NABP1: variants seen among roughly 807,000 people sequenced by gnomAD.
NABP1 encodes the protein SOSS complex subunit B2.
In NABP1, 18 loss-of-function variants were observed where a neutral mutation model predicts 25.0. That is an observed-to-expected ratio of 0.72 (90% CI 0.50 to 1.07). The LOEUF (loss-of-function observed/expected upper bound fraction) is 1.07. Ranked by LOEUF, NABP1 falls within the 50% of genes least tolerant of loss-of-function variation. The pLI is 0.00. For synonymous variants in NABP1, 71 were observed against 85.0 expected (o/e 0.84, Z 0.91); for missense variants, 270 against 255.6 (o/e 1.06, Z -0.39).
At position 191,683,690 on chromosome 2, in the gene NABP1, T is replaced by C; in HGVS notation, c.303-39T>C. The C allele has an allele frequency of 6.7e-7, 1 of 1,484,614 alleles. No individual in the cohort carries two copies. Among genetic ancestry groups the C allele is most frequent in the South Asian group, 1.2e-5 (1 of 86,632 alleles). 92.0% of individuals were successfully genotyped at this position (1,484,614 alleles called of 1,614,324 possible). A position where few individuals can be genotyped will look rare whatever the true frequency, so the allele number is the denominator to read the frequency against. ...ACATAAAGAAGGGTTGAGGACTTTATTTCAGAAGTCATTTAATTTTTTCTT... is the reference window on the plus strand; with the variant it reads ...ACATAAAGAAGGGTTGAGGACTTTACTTCAGAAGTCATTTAATTTTTTCTT... On this transcript the variant is annotated intron_variant, in intron 3 of 5. Transcript: ENST00000425611. The surrounding 1 kb of genome is among the most constrained non-coding windows in gnomAD (Gnocchi z 4.1).
Position 191,685,784 on chromosome 2 carries a change from C to A in NABP1, c.*16C>A. The A allele has an allele frequency of 6.2e-7, 1 of 1,612,096 alleles. No homozygotes were observed. The highest frequency in any genetic ancestry group is 1.1e-5 in the South Asian group (1 of 90,886). On this transcript the variant is annotated 3_prime_UTR_variant, in exon 6 of 6. Coordinates refer to ENST00000425611, the MANE Select transcript of NABP1 (RefSeq NM_001031716.5). ...TAAAAGATGACCTATGCTAAATACT[C>A]ATGTGTAGTTTTTATACTACATGCC...
In NABP1 at chr2:191,683,880, G is replaced by T; in HGVS notation, c.378+76G>T. On this transcript the variant is annotated intron_variant, in intron 4 of 5. Coordinates refer to ENST00000425611, the MANE Select transcript of NABP1 (RefSeq NM_001031716.5). The surrounding 1 kb of genome is among the most constrained non-coding windows in gnomAD (Gnocchi z 4.1). ...ATTCTATGATTAGGCTAGCCCTGTT[G>T]ATACTTAGTATAAAGAAGATAATTT... The T allele has an allele frequency of 9.3e-7, 1 of 1,079,568 alleles. No individual in the cohort carries two copies. Among genetic ancestry groups the T allele is most frequent in the South Asian group, 1.4e-5 (1 of 71,824 alleles). The allele number at this position is 1,079,568 out of a possible 1,614,324, so 66.9% of individuals were successfully genotyped here.
At chr2:191,678,774 C>A in intron 1 of NABP1, 69 bp downstream of exon 1, 1 of 1,451,638 alleles carries the variant, frequency 6.9e-7, no homozygotes, top group Non-Finnish European at 9.4e-7. Context: ...GGGCGCCGGC[C>A]GCTGCGCGCC....
rs1687771118 is a variant in NABP1, at chr2:191,684,663, C to A, written c.445+367C>A. Among the ~76,000 whole-genome samples the A allele has an allele frequency of 2.0e-5, 3 of 152,258 alleles. No individual in the cohort carries two copies. In the South Asian group the frequency reaches 6.2e-4, roughly 32 times the overall value. On this transcript the variant is annotated intron_variant, in intron 5 of 5. Coordinates refer to ENST00000425611, the MANE Select transcript of NABP1 (RefSeq NM_001031716.5). Reference sequence around the variant, plus strand: ...ACCTTAATTTTTCACATACAAGTAGCTGCTGCTTTAAAAGATGAGCTGAGC... The same window carrying A: ...ACCTTAATTTTTCACATACAAGTAGATGCTGCTTTAAAAGATGAGCTGAGC...
At chr2:191,680,651 A>G (rs1468140859) in intron 2 of NABP1, among the ~76,000 whole-genome samples, 2 of 152,220 alleles carry the variant, frequency 1.3e-5, no homozygotes, top group African/African-American at 4.8e-5. Flanking sequence ...AGGTGTTTCC[A>G]TCAAAAAAAT....
intron 3 of NABP1, chr2:191,682,720 A>T (rs143057087): frequency 1.4e-5 from 3 of 212,344 alleles, no homozygotes; most frequent in African/African-American, 7.0e-5. Context: ...ATGCCTGTCA[A>T]ATTGGAAGAT....
Position 191,683,642 on chromosome 2 carries a change from C to A in NABP1, c.303-87C>A, listed in dbSNP as rs1687741674. ...TATTAATTTGTTTGACACATAAGTT[C>A]ATTCCTAAAAGTTAGAGATGTTACA... On this transcript the variant is annotated intron_variant, in intron 3 of 5. Transcript: ENST00000425611. The surrounding 1 kb of genome is among the most constrained non-coding windows in gnomAD (Gnocchi z 4.1). The A allele has an allele frequency of 2.2e-6, 2 of 927,758 alleles. No homozygotes were observed. The highest frequency in any genetic ancestry group is 3.4e-6 in the Non-Finnish European group (2 of 596,924). The allele number at this position is 927,758 out of a possible 1,614,324, so 57.5% of individuals were successfully genotyped here.
Position 191,678,435 on chromosome 2 carries a change from T to TTTTG in NABP1, c.-180_-179insTTTG. On this transcript the variant is annotated 5_prime_UTR_variant, in exon 1 of 6. Transcript: ENST00000425611. ...TTTTTTTTTTTTTTTTTTCTTTTTTTAGGCTCAGTGCTGTCCGGGCTGGTT... is the reference window on the plus strand; with the variant it reads ...TTTTTTTTTTTTTTTTTTCTTTTTTTTTTGAGGCTCAGTGCTGTCCGGGCTGGTT... The TTTTG allele has an allele frequency of 2.8e-6, 1 of 351,642 alleles. No individual in the cohort carries two copies. Among genetic ancestry groups the TTTTG allele is most frequent in the Non-Finnish European group, 5.0e-6 (1 of 199,096 alleles). 21.8% of individuals were successfully genotyped at this position (351,642 alleles called of 1,614,324 possible).
chr2:191,679,781 A>G (rs1412805917), intron 2 of NABP1, among the ~76,000 whole-genome samples: 1 of 152,166 alleles, frequency 6.6e-6, no homozygotes, highest in African/African-American at 2.4e-5. Context: ...GTTGCCACTC[A>G]GTTGTTTCCC....
chr2:191,678,520 C>A lies in NABP1; in HGVS notation c.-95C>A. The A allele has an allele frequency of 4.8e-6, 4 of 838,454 alleles. No individual in the cohort carries two copies. The highest frequency in any genetic ancestry group is 7.5e-6 in the Non-Finnish European group (4 of 536,132). The allele number at this position is 838,454 out of a possible 1,614,324, so 51.9% of individuals were successfully genotyped here. A position where few individuals can be genotyped will look rare whatever the true frequency, so the allele number is the denominator to read the frequency against. On this transcript the variant is annotated 5_prime_UTR_variant, in exon 1 of 6. Transcript: ENST00000425611. Reference sequence around the variant, plus strand: ...CTCTCGCCACCCCTGCCCAAGGTCGCCCCTCTGCCTTCGCCCCTGTCCCGG... The same window carrying A: ...CTCTCGCCACCCCTGCCCAAGGTCGACCCTCTGCCTTCGCCCCTGTCCCGG...
intron 3 of NABP1, chr2:191,682,884 T>C (rs1462980503): frequency 4.0e-6 from 1 of 247,758 alleles, no homozygotes; most frequent in Non-Finnish European, 8.1e-6. Flanking sequence ...CTTAACGCTT[T>C]GCCTTTGTTA....
At chr2:191,679,814 C>T (rs1378919214) in intron 2 of NABP1, among the ~76,000 whole-genome samples, 1 of 152,102 alleles carries the variant, frequency 6.6e-6, no homozygotes, top group African/African-American at 2.4e-5. Context: ...TTTTTAATGA[C>T]TTGAAATCCT....
At position 191,685,683 on chromosome 2, in the gene NABP1, C is replaced by T; in HGVS notation, c.530C>T (p.Pro177Leu). Residue 177 changes from proline (P) to leucine (L), a missense_variant, in exon 6 of 6, where the codon CCA (proline) becomes CTA (leucine). Transcript: ENST00000425611. The stretch of plus-strand genomic sequence containing the variant: ...AGCAATGGCCGGGGACTTATAAATC[C>T]ACAACTACAAGGAACAGCTAGTAAT... The part of the protein sequence containing the change: ...GRSNGRGLIN[P>L]QLQGTASNQT... 1 of 1,613,960 alleles carries T rather than the reference C, an allele frequency of 6.2e-7. No individual in the cohort carries two copies. Among genetic ancestry groups the T allele is most frequent in the South Asian group, 1.1e-5 (1 of 91,078 alleles).
Position 191,683,160 on chromosome 2 carries a change from C to T in NABP1, c.303-569C>T, listed in dbSNP as rs1208105793. 6.4e-6 allele frequency: 1 copy of T among 157,456 alleles called. No homozygotes were observed. Among genetic ancestry groups the T allele is most frequent in the African/African-American group, 2.4e-5 (1 of 41,472 alleles). The allele number at this position is 157,456 out of a possible 1,614,324, so 9.8% of individuals were successfully genotyped here. A position where few individuals can be genotyped will look rare whatever the true frequency, so the allele number is the denominator to read the frequency against. On this transcript the variant is annotated intron_variant, in intron 3 of 5. Coordinates refer to ENST00000425611, the MANE Select transcript of NABP1 (RefSeq NM_001031716.5). The surrounding 1 kb of genome is among the most constrained non-coding windows in gnomAD (Gnocchi z 4.1). ...TATGGTGAGGAGTAATAAAATGCTT[C>T]TTTGTAATGTTAGTACACATTATAT...
In NABP1 at chr2:191,685,933, A is replaced by C. The variant is rs557867060; in HGVS notation, c.*165A>C. On this transcript the variant is annotated 3_prime_UTR_variant, in exon 6 of 6. Coordinates refer to ENST00000425611, the MANE Select transcript of NABP1 (RefSeq NM_001031716.5). ...GTTTGTTTTTATAGCAAAACTGTTAAGCTGCTCGAGTCTCCTGTTGAAGAA... is the reference window on the plus strand; with the variant it reads ...GTTTGTTTTTATAGCAAAACTGTTACGCTGCTCGAGTCTCCTGTTGAAGAA... 3 of 596,290 alleles carry C rather than the reference A, an allele frequency of 5.0e-6. No homozygotes were observed. Among genetic ancestry groups the C allele is most frequent in the Non-Finnish European group, 8.4e-6 (3 of 355,898 alleles). The allele number at this position is 596,290 out of a possible 1,614,324, so 36.9% of individuals were successfully genotyped here.
At chr2:191,678,790 C>A in intron 1 of NABP1, 85 bp downstream of exon 1, 3 of 1,307,232 alleles carry the variant, frequency 2.3e-6, no homozygotes, top group South Asian at 1.3e-5. Context: ...GCGCCCGGGG[C>A]TCCCCTCCTC....
intron 5 of NABP1, 136 bp from the exon 6 acceptor site, chr2:191,685,462 TG>T (rs1687790226): frequency 5.0e-6 from 4 of 798,266 alleles, no homozygotes; most frequent in African/African-American, 1.7e-5. Context: ...GAGCCCACAT[TG>T]TTTTTTTTTT....
chr2:191,685,933 A>G lies in NABP1; in HGVS notation c.*165A>G. 1.7e-6 allele frequency: 1 copy of G among 596,290 alleles called. No individual in the cohort carries two copies. The highest frequency in any genetic ancestry group is 2.8e-6 in the Non-Finnish European group (1 of 355,898). The allele number at this position is 596,290 out of a possible 1,614,324, so 36.9% of individuals were successfully genotyped here. ...GTTTGTTTTTATAGCAAAACTGTTA[A>G]GCTGCTCGAGTCTCCTGTTGAAGAA... On this transcript the variant is annotated 3_prime_UTR_variant, in exon 6 of 6. Coordinates refer to ENST00000425611, the MANE Select transcript of NABP1 (RefSeq NM_001031716.5).
Position 191,678,577 on chromosome 2 carries a change from A to T in NABP1, c.-38A>T. ...GGGAAGCTTTGACCCCGCCCTGCCC[A>T]CTCGCGTCTCCGCAGCCGTAGCCGC... On this transcript the variant is annotated 5_prime_UTR_variant, in exon 1 of 6. Coordinates refer to ENST00000425611, the MANE Select transcript of NABP1 (RefSeq NM_001031716.5). 2 of 1,502,578 alleles carry T rather than the reference A, an allele frequency of 1.3e-6. No individual in the cohort carries two copies. Among genetic ancestry groups the T allele is most frequent in the Non-Finnish European group, 1.8e-6 (2 of 1,086,546 alleles). The allele number at this position is 1,502,578 out of a possible 1,614,324, so 93.1% of individuals were successfully genotyped here. A position where few individuals can be genotyped will look rare whatever the true frequency, so the allele number is the denominator to read the frequency against.
Sources: allele counts gnomAD v4.1 joint callset (sites outside exome capture counted in the v4.1 genomes callset), GRCh38; gene constraint gnomAD v4.1.1; non-coding constraint Gnocchi (gnomAD v3.1); transcripts MANE v1.5; gene names NCBI Gene and HGNC (gene_info 2026-07-23, HGNC 2026-07-21).